JCAD: variants seen among roughly 807,000 people sequenced by gnomAD.
JCAD encodes the protein junctional cadherin 5-associated protein.
JCAD carries 40 observed loss-of-function variants against 98.0 expected under a neutral mutation model. That is an observed-to-expected ratio of 0.41 (90% confidence interval 0.32 to 0.53). The LOEUF (loss-of-function observed/expected upper bound fraction) is 0.53. JCAD is among the 20% of genes least tolerant of loss of function. JCAD has a pLI of 0.31. For synonymous variants in JCAD, 691 were observed against 682.3 expected (o/e 1.01, Z -0.20); for missense variants, 1,705 against 1,738.1 (o/e 0.98, Z 0.34).
chr10:30,075,206 C>G (rs536311640), intron 1 of JCAD, among the ~76,000 whole-genome samples: 3 of 152,294 alleles, frequency 2.0e-5, no homozygotes, highest in African/African-American at 7.2e-5. Flanking sequence ...GCCTTGGAAT[C>G]TGAATGAAAC....
chr10:30,099,745 G>T (rs1482208765), intron 1 of JCAD, among the ~76,000 whole-genome samples: 1 of 151,998 alleles, frequency 6.6e-6, no homozygotes. Context: ...TCTTTTCAAA[G>T]AATCAATATG....
At chr10:30,075,190 G>C (rs934634412) in intron 1 of JCAD, among the ~76,000 whole-genome samples, 1 of 152,160 alleles carries the variant, frequency 6.6e-6, no homozygotes, top group Non-Finnish European at 1.5e-5. Context: ...TTCTATGAAG[G>C]AAAAGGCCTT....
At chr10:30,031,750 AT>A (rs1177691710) in intron 2 of JCAD, among the ~76,000 whole-genome samples, 785 of 63,348 alleles carry the variant, frequency 0.012, 7 homozygotes, top group African/African-American at 0.027. Flanking sequence ...CCCCATCTGT[AT>A]TTTTTTTTTT....
At chr10:30,054,437 A>T (rs1209940376) in intron 1 of JCAD, among the ~76,000 whole-genome samples, 8 of 151,942 alleles carry the variant, frequency 5.3e-5, no homozygotes, top group Admixed American at 4.6e-4. Context: ...TCATATACTT[A>T]CTATACTTAA....
chr10:30,090,352 A>C (rs1024475511), intron 1 of JCAD, among the ~76,000 whole-genome samples: 2 of 152,010 alleles, frequency 1.3e-5, no homozygotes, highest in East Asian at 3.9e-4. Flanking sequence ...GGCCAGCCTG[A>C]CCAACATGGT....
rs1427852641 is a variant in JCAD at position 30,092,125 on chromosome 10, T to TATATAA, written n.129-22305_129-22304insTTATAT. Among the ~76,000 whole-genome samples, 16 of 104,926 alleles carry TATATAA rather than the reference T, an allele frequency of 1.5e-4. 1 individual carries two copies. Among genetic ancestry groups the TATATAA allele is most frequent in the East Asian group, 8.7e-4 (3 of 3,446 alleles). The allele number at this position is 104,926 out of a possible 152,430, so 68.8% of individuals were successfully genotyped here. ...ATATATATATATATATATATATATA[T>TATATAA]AAAAAACATTTTAACTCTTTGCAAG... On this transcript the variant is annotated intron_variant and non_coding_transcript_variant, in intron 1 of 2. Transcript: ENST00000465712.
At chr10:30,034,696 G>A (rs184856433) in intron 2 of JCAD, among the ~76,000 whole-genome samples, 7 of 152,150 alleles carry the variant, frequency 4.6e-5, no homozygotes, top group Non-Finnish European at 8.8e-5. Flanking sequence ...CTGTGTGACC[G>A]CCCATCAGTA....
chr10:30,063,145 A>G (rs1837727285), upstream of JCAD, among the ~76,000 whole-genome samples: 1 of 50,426 alleles, frequency 2.0e-5, no homozygotes, highest in South Asian at 8.5e-4. Context: ...GGGAGATTTA[A>G]ACACAGGAAA....
At chr10:30,090,567 G>A (rs1270584179) in intron 1 of JCAD, among the ~76,000 whole-genome samples, 1 of 150,570 alleles carries the variant, frequency 6.6e-6, no homozygotes, top group African/African-American at 2.5e-5. Flanking sequence ...GGAGAGGAGA[G>A]GGGAGGGGAG....
intron 2 of JCAD, among the ~76,000 whole-genome samples, chr10:30,030,275 C>T (rs944824248): frequency 1.4e-4 from 21 of 152,180 alleles, no homozygotes; most frequent in Non-Finnish European, 2.9e-4. Context: ...AAGACTCTGT[C>T]TCTACACAAA....
chr10:30,066,129 G>A (rs1304789081), intron 2 of JCAD, among the ~76,000 whole-genome samples: 2 of 152,210 alleles, frequency 1.3e-5, no homozygotes, highest in African/African-American at 4.8e-5. Context: ...GAACGTCATT[G>A]TATGATGATG....
rs1243115272 is a variant in JCAD at position 30,028,531 on chromosome 10, T to A, written c.1617A>T (p.Arg539Ser). ...VRGSQHGHTG[R>S]QVSSPYSQGE... Reference sequence around the variant, plus strand: ...CCTGTGAGTAAGGGGAGGAAACTTGTCTTCCAGTGTGCCCGTGCTGGCTGC... The same window carrying A: ...CCTGTGAGTAAGGGGAGGAAACTTGACTTCCAGTGTGCCCGTGCTGGCTGC... The change falls in exon 3 of 4, where the codon AGA (arginine) becomes AGT (serine). Residue 539 changes from arginine to serine, a missense_variant. Around this residue, in one of 3 missense-constraint regions of JCAD, gnomAD observed 1,278 missense variants for 1,243.1 expected, o/e 1.03. Transcript: ENST00000375377. The A allele has an allele frequency of 1.2e-6, 2 of 1,614,132 alleles. No individual in the cohort carries two copies. The highest frequency in any genetic ancestry group is 2.7e-5 in the African/African-American group (2 of 74,940).
chr10:30,087,663 T>C (rs1838187170), intron 1 of JCAD, among the ~76,000 whole-genome samples: 1 of 152,214 alleles, frequency 6.6e-6, no homozygotes. Context: ...ACTTGGCCAG[T>C]AGACTGAAGC....
chr10:30,032,401 G>C (rs1480352077), intron 2 of JCAD, among the ~76,000 whole-genome samples: 1 of 152,190 alleles, frequency 6.6e-6, no homozygotes, highest in Non-Finnish European at 1.5e-5. Flanking sequence ...CCAAAGGAAA[G>C]TATCTGAAGA....
intron 1 of JCAD, among the ~76,000 whole-genome samples, chr10:30,107,012 C>T (rs979433030): frequency 6.6e-6 from 1 of 152,242 alleles, no homozygotes; most frequent in Non-Finnish European, 1.5e-5. Flanking sequence ...TGTCCCATGG[C>T]AGTCCTGATT....
At chr10:30,098,043 A>G (rs190785645) in intron 1 of JCAD, among the ~76,000 whole-genome samples, 78 of 152,258 alleles carry the variant, frequency 5.1e-4, no homozygotes, top group Non-Finnish European at 1.0e-3. Context: ...TTGCTGCCAA[A>G]TGGGTGAGTT....
In JCAD at chr10:30,026,532, C is replaced by T. The variant is rs1836804284; in HGVS notation, c.3616G>A (p.Val1206Met). Residue 1206 changes from valine to methionine, a missense_variant, in exon 3 of 4, where the codon GTG becomes ATG. Physicochemically the swap from Val to Met is conservative, Grantham distance 21 (BLOSUM62 1). Coordinates refer to ENST00000375377, the MANE Select transcript of JCAD (RefSeq NM_020848.4). ...LESKFFEQKDVETKPPFRSTL... is the reference protein window; with the variant it reads ...LESKFFEQKDMETKPPFRSTL... Reference sequence around the variant, plus strand: ...GACCTGAAGGGTGGTTTTGTTTCCACATCCTTTTGTTCGAAGAACTTGGAC... The same window carrying T: ...GACCTGAAGGGTGGTTTTGTTTCCATATCCTTTTGTTCGAAGAACTTGGAC... 4 of 1,614,128 alleles carry T rather than the reference C, an allele frequency of 2.5e-6. No homozygotes were observed. Among genetic ancestry groups the T allele is most frequent in the Admixed American group, 1.7e-5 (1 of 60,006 alleles).
intron 1 of JCAD, among the ~76,000 whole-genome samples, chr10:30,107,820 C>A (rs951793028): frequency 3.3e-5 from 5 of 152,058 alleles, no homozygotes; most frequent in Non-Finnish European, 5.9e-5. Context: ...GGAAGTCAAT[C>A]CTGAAGCCCC....
Position 30,047,724 on chromosome 10 carries a change from C to T in JCAD, c.89G>A (p.Arg30His), listed in dbSNP as rs190112050. 11 of 1,614,242 alleles carry T rather than the reference C, an allele frequency of 6.8e-6. No homozygotes were observed. Among genetic ancestry groups the T allele is most frequent in the African/African-American group, 2.7e-5 (2 of 75,076 alleles). ...PASREDNPKG[R>H]QAARTGTRAG... is the part of the protein sequence containing the mutation. Reference sequence around the variant, plus strand: ...TCGTGTCCCAGTCCTCGCTGCCTGGCGCCCCTTGGGGTTATCCTCGCGTGA... The same window carrying T: ...TCGTGTCCCAGTCCTCGCTGCCTGGTGCCCCTTGGGGTTATCCTCGCGTGA... The change falls in exon 2 of 4, where the codon CGC (arginine) becomes CAC (histidine). Residue 30 changes from arginine (R) to histidine (H), a missense_variant. This residue lies in a region of JCAD where 152 missense variants were observed against 148.0 expected (regional missense o/e 1.03). Coordinates refer to ENST00000375377, the MANE Select transcript of JCAD (RefSeq NM_020848.4).
Sources: allele counts gnomAD v4.1 joint callset (sites outside exome capture counted in the v4.1 genomes callset), GRCh38; gene constraint gnomAD v4.1.1; regional missense constraint gnomAD v4.1.1; transcripts MANE v1.5; gene names NCBI Gene and HGNC (gene_info 2026-07-23, HGNC 2026-07-21).